The following LRP1B variants were observed in gnomAD, a reference collection of about 807,000 sequenced individuals.
LRP1B encodes the protein low-density lipoprotein receptor-related protein 1B.
LRP1B carries 217 observed loss-of-function variants against 556.6 expected under a neutral mutation model. The observed-to-expected ratio is 0.39, with a 90% CI of 0.35 to 0.44. The LOEUF (loss-of-function observed/expected upper bound fraction) is 0.44, where lower values mean the gene tolerates loss of function less well. Ranked by LOEUF, LRP1B falls within the 20% of genes least tolerant of loss-of-function variation. The pLI, the probability that LRP1B is intolerant of heterozygous loss-of-function variation, is 1.00. For synonymous variants in LRP1B, 2,047 were observed against 1,865.8 expected (o/e 1.10, Z -2.50); for missense variants, 5,053 against 5,620.8 (o/e 0.90, Z 3.23).
At chr2:141,454,785 C>T (rs1302558619) in intron 3 of LRP1B, among the ~76,000 whole-genome samples, 3 of 152,064 alleles carry the variant, frequency 2.0e-5, no homozygotes, top group Non-Finnish European at 2.9e-5. Flanking sequence ...CTGTAAACAT[C>T]GCAGAGAGGA....
intron 2 of LRP1B, among the ~76,000 whole-genome samples, chr2:141,505,934 G>C (rs1683914379): frequency 6.6e-6 from 1 of 151,992 alleles, no homozygotes; most frequent in African/African-American, 2.4e-5. Context: ...ACCAACCACT[G>C]TCATTAGTTA....
At chr2:140,981,042 A>G in intron 18 of LRP1B, among the ~76,000 whole-genome samples, 1 of 132,714 alleles carries the variant, frequency 7.5e-6, no homozygotes, top group African/African-American at 3.1e-5. Context: ...GAGTTAACCT[A>G]TGAGGACGCA....
In LRP1B at chr2:140,352,958, G is replaced by A. The variant is rs2105121666; in HGVS notation, c.11645C>T (p.Ala3882Val). ...AATAGTGGTTATAATCTTACCTTCT[G>A]CTATGCAGGTGTTATTTCTTTCTTG... is the stretch of plus-strand genomic sequence containing the variant. ...NFQERNNTCI[A>V]EGSEDQVLYI... The change falls in exon 76 of 91, where the codon GCA (alanine) becomes GTA (valine). Residue 3882 changes from alanine to valine, a missense_variant. Transcript: ENST00000389484. 2.5e-6 allele frequency: 4 copies of A among 1,610,894 alleles called. No homozygotes were observed. Among genetic ancestry groups the A allele is most frequent in the Non-Finnish European group, 2.5e-6 (3 of 1,178,662 alleles).
chr2:141,695,159 A>G (rs1691690174), intron 2 of LRP1B, among the ~76,000 whole-genome samples: 1 of 151,898 alleles, frequency 6.6e-6, no homozygotes, highest in South Asian at 2.1e-4. Context: ...ATTAACTATA[A>G]TTGTCTACAG....
chr2:142,064,246 T>A (rs912555268), intron 1 of LRP1B, among the ~76,000 whole-genome samples: 1 of 151,518 alleles, frequency 6.6e-6, no homozygotes, highest in Non-Finnish European at 1.5e-5. Flanking sequence ...AGATCTTAGT[T>A]ACATTGGACA....
intron 1 of LRP1B, among the ~76,000 whole-genome samples, chr2:141,876,765 G>C (rs1377892804): frequency 6.6e-6 from 1 of 151,818 alleles, no homozygotes; most frequent in African/African-American, 2.4e-5. Context: ...ATATGCATTT[G>C]TCATTATCGA....
chr2:141,854,667 T>C (rs1458616080), intron 1 of LRP1B, among the ~76,000 whole-genome samples: 2 of 152,046 alleles, frequency 1.3e-5, no homozygotes, highest in African/African-American at 4.8e-5. Flanking sequence ...CATAAAATTG[T>C]AAGTAGGAAT....
chr2:140,699,224 A>G (rs1686544046), intron 41 of LRP1B, among the ~76,000 whole-genome samples: 1 of 152,096 alleles, frequency 6.6e-6, no homozygotes, highest in African/African-American at 2.4e-5. Flanking sequence ...TTAGTATAGA[A>G]CTAGGTAGAG....
chr2:140,485,543 A>G lies in LRP1B; in HGVS notation c.9244-19T>C. ...GAACTACCTACAAAACAAGAATTTA[A>G]AAGGTTAACAGCGTAAATCCCTAAA... On this transcript the variant is annotated intron_variant, in intron 58 of 90. Transcript: ENST00000389484. 1 of 1,595,794 alleles carries G rather than the reference A, an allele frequency of 6.3e-7. No individual in the cohort carries two copies. Among genetic ancestry groups the G allele is most frequent in the South Asian group, 1.1e-5 (1 of 89,042 alleles).
At chr2:140,677,634 A>G (rs1158511876) in intron 41 of LRP1B, among the ~76,000 whole-genome samples, 2 of 152,160 alleles carry the variant, frequency 1.3e-5, no homozygotes, top group Non-Finnish European at 2.9e-5. Context: ...GCACTTTGGG[A>G]GGCCAATGTG....
intron 82 of LRP1B, among the ~76,000 whole-genome samples, chr2:140,320,619 G>A (rs1279948739): frequency 6.6e-6 from 1 of 151,790 alleles, no homozygotes; most frequent in Non-Finnish European, 1.5e-5. Flanking sequence ...TGGAGAATGG[G>A]TACTTGCTAT....
intron 1 of LRP1B, among the ~76,000 whole-genome samples, chr2:141,876,268 C>A (rs1698755601): frequency 1.3e-5 from 2 of 151,846 alleles, no homozygotes; most frequent in Non-Finnish European, 2.9e-5. Flanking sequence ...ATATCCATAC[C>A]ATTTTCTTGA....
rs200412868 is a variant in LRP1B at position 140,850,208 on chromosome 2, T to C, written c.4833A>G (p.Ile1611Met). The change falls in exon 29 of 91, where the codon ATA becomes ATG. Residue 1611 changes from isoleucine to methionine, a missense_variant. Around this residue, in one of 5 missense-constraint regions of LRP1B, gnomAD observed 3,619 missense variants for 3,931.9 expected, o/e 0.92. Transcript: ENST00000389484. ...AACGTTCCTCAGATGCATCGAAGTCTATCACAGTAACGTCATCAATATCAG... is the reference window on the plus strand; with the variant it reads ...AACGTTCCTCAGATGCATCGAAGTCCATCACAGTAACGTCATCAATATCAG... ...TVPDIDDVTVIDFDASEERLY... is the reference protein window; with the variant it reads ...TVPDIDDVTVMDFDASEERLY... 39 of 1,613,102 alleles carry C rather than the reference T, an allele frequency of 2.4e-5. 1 individual carries two copies. Among genetic ancestry groups the C allele is most frequent in the Non-Finnish European group, 8.5e-7 (1 of 1,179,246 alleles).
At chr2:140,929,134 G>T (rs1285188930) in intron 20 of LRP1B, among the ~76,000 whole-genome samples, 2 of 152,060 alleles carry the variant, frequency 1.3e-5, no homozygotes, top group Admixed American at 6.6e-5. Flanking sequence ...ACAGATAAAT[G>T]GGTTTCAGTG....
intron 3 of LRP1B, among the ~76,000 whole-genome samples, chr2:141,372,319 A>T (rs1444878744): frequency 6.6e-6 from 1 of 152,118 alleles, no homozygotes; most frequent in Admixed American, 6.5e-5. Flanking sequence ...GCCTATGTTC[A>T]TCGGAGATAT....
intron 22 of LRP1B, among the ~76,000 whole-genome samples, chr2:140,903,825 A>T (rs955986975): frequency 1.3e-5 from 2 of 150,690 alleles, no homozygotes; most frequent in Non-Finnish European, 1.5e-5. Context: ...AAAAAAAAAA[A>T]GTTGTCCTGG....
In LRP1B at chr2:141,254,558, C is replaced by A. The variant is rs1249672214; in HGVS notation, c.427G>T (p.Gly143Ter). The part of the protein sequence containing the change: ...RNSTRCYCED[G>*]FEITEDGRSC... The stretch of plus-strand genomic sequence containing the variant: ...CTCCCATCTTCTGTTATTTCGAATC[C>A]ATCCTCACAGTAACATCTTGTACTA... Residue 143 changes from glycine to a stop codon, truncating the protein, a stop_gained, in exon 4 of 91, where the codon GGA (glycine) becomes TGA (stop). Transcript: ENST00000389484. LOFTEE classifies it high-confidence loss of function. 6.2e-7 allele frequency: 1 copy of A among 1,611,850 alleles called. No individual in the cohort carries two copies. The highest frequency in any genetic ancestry group is 8.5e-7 in the Non-Finnish European group (1 of 1,178,646).
intron 41 of LRP1B, among the ~76,000 whole-genome samples, chr2:140,639,660 T>C (rs189065009): frequency 3.9e-5 from 6 of 152,302 alleles, no homozygotes; most frequent in Non-Finnish European, 7.3e-5. Flanking sequence ...AGTCTCTTTT[T>C]CTCCATGCAA....
At chr2:140,254,528 T>TTTTG (rs548171873) in intron 86 of LRP1B, among the ~76,000 whole-genome samples, 245 of 152,118 alleles carry the variant, frequency 1.6e-3, no homozygotes, top group African/African-American at 5.7e-3. Context: ...TTTTTTTGTT[T>TTTTG]TTTGTTTGTT....
Sources: allele counts gnomAD v4.1 joint callset (sites outside exome capture counted in the v4.1 genomes callset), GRCh38; gene constraint gnomAD v4.1.1; regional missense constraint gnomAD v4.1.1; transcripts MANE v1.5; gene names NCBI Gene and HGNC (gene_info 2026-07-23, HGNC 2026-07-21).